HBS1L: variants seen among roughly 807,000 people sequenced by gnomAD.
HBS1L encodes the protein HBS1-like protein.
Under a neutral mutation model 88.9 loss-of-function variants are expected in HBS1L, and 55 were observed. The ratio of observed to expected loss-of-function variants is 0.62; its 90% CI spans 0.50 to 0.77. The LOEUF is 0.77. HBS1L is among the 30% of genes least tolerant of loss of function. The pLI is 0.00. For synonymous variants in HBS1L, 267 were observed against 288.5 expected (o/e 0.93, Z 0.76); for missense variants, 741 against 829.3 (o/e 0.89, Z 1.31).
intron 1 of HBS1L, among the ~76,000 whole-genome samples, chr6:135,052,743 A>AGCTACTTTGTGC (rs1777127713): frequency 6.6e-6 from 1 of 152,218 alleles, no homozygotes; most frequent in Non-Finnish European, 1.5e-5. Context: ...AATATTTACC[A>AGCTACTTTGTGC]CATGTAAAGA....
At chr6:135,020,584 T>C (rs1776043983) in intron 4 of HBS1L, among the ~76,000 whole-genome samples, 1 of 152,028 alleles carries the variant, frequency 6.6e-6, no homozygotes. Flanking sequence ...TGGAGTATAA[T>C]TATCCTTTAT....
chr6:135,037,657 G>C, intron 4 of HBS1L: 1 of 1,549,828 alleles, frequency 6.5e-7, no homozygotes, highest in Non-Finnish European at 8.7e-7. Flanking sequence ...GCATTCAGAT[G>C]CATGAGGTCT....
At chr6:135,036,120 A>G (rs1418253259) in intron 4 of HBS1L, 3 of 662,288 alleles carry the variant, frequency 4.5e-6, no homozygotes, top group Non-Finnish European at 5.6e-6. Flanking sequence ...ATATTTTAAA[A>G]TATAACATCT....
Position 134,996,642 on chromosome 6 carries a change from C to T in HBS1L, c.965+135G>A, listed in dbSNP as rs560167542. 27 of 580,560 alleles carry T rather than the reference C, an allele frequency of 4.7e-5. No individual in the cohort carries two copies. The African/African-American group carries it at 5.3e-4, about 11-fold the overall frequency. The allele number at this position is 580,560 out of a possible 1,614,324, so 36.0% of individuals were successfully genotyped here. A position where few individuals can be genotyped will look rare whatever the true frequency, so the allele number is the denominator to read the frequency against. On this transcript the variant is annotated intron_variant, in intron 7 of 17. Transcript: ENST00000367837. ...TACATCAAAAAAGTCAAAATAGTTC[C>T]CTGATATCTAAAAGCTATTTTCTAA... is the stretch of plus-strand genomic sequence containing the variant.
intron 1 of HBS1L, among the ~76,000 whole-genome samples, chr6:135,052,170 A>C (rs1169186837): frequency 1.3e-5 from 2 of 152,256 alleles, no homozygotes; most frequent in African/African-American, 4.8e-5. Flanking sequence ...AGCAAAGAAA[A>C]ATTAGATAAA....
chr6:135,017,642 A>G (rs1485888534), intron 4 of HBS1L, among the ~76,000 whole-genome samples: 1 of 152,044 alleles, frequency 6.6e-6, no homozygotes, highest in Admixed American at 6.5e-5. Context: ...GGAGGAAAAT[A>G]TAGGATACAG....
At chr6:134,969,435 C>G in intron 15 of HBS1L, 97 bp from the exon 16 acceptor site, 1 of 752,296 alleles carries the variant, frequency 1.3e-6, no homozygotes, top group Non-Finnish European at 2.3e-6. Context: ...TTCAGTGCTA[C>G]TGCTTGGAGT....
intron 4 of HBS1L, among the ~76,000 whole-genome samples, chr6:135,022,399 C>A (rs560540680): frequency 6.6e-6 from 1 of 151,458 alleles, no homozygotes; most frequent in South Asian, 2.1e-4. Flanking sequence ...ATGGTATCAG[C>A]TGTTCATGAA....
Position 134,962,156 on chromosome 6 carries a change from G to A in HBS1L, c.*3123C>T, listed in dbSNP as rs997529037. ...AGAAGATGATTCAGTAGTTTGTATT[G>A]GGCCTACTTGTCTTGATTTTTTGAA... is the stretch of plus-strand genomic sequence containing the variant. On this transcript the variant is annotated 3_prime_UTR_variant, in exon 18 of 18. Coordinates refer to ENST00000367837, the MANE Select transcript of HBS1L (RefSeq NM_006620.4). 6.6e-6 allele frequency: 1 copy of A among 151,974 alleles called. No homozygotes were observed. Among genetic ancestry groups the A allele is most frequent in the Non-Finnish European group, 1.5e-5 (1 of 67,992 alleles). The allele number at this position is 151,974 out of a possible 1,614,324, so 9.4% of individuals were successfully genotyped here. A position where few individuals can be genotyped will look rare whatever the true frequency, so the allele number is the denominator to read the frequency against.
chr6:134,994,679 A>G (rs899896062), intron 7 of HBS1L, among the ~76,000 whole-genome samples: 7 of 152,134 alleles, frequency 4.6e-5, no homozygotes, highest in African/African-American at 1.7e-4. Context: ...GTGACCTGTC[A>G]CATGAGATCA....
intron 13 of HBS1L, 166 bp downstream of exon 13, chr6:134,982,292 G>A (rs79054660): frequency 7.7e-5 from 44 of 571,844 alleles, no homozygotes; most frequent in East Asian, 4.7e-4. Flanking sequence ...GAAAAAAATC[G>A]TTTAATGTTT....
chr6:134,987,847 G>A, intron 8 of HBS1L, 56 bp from the exon 9 acceptor site: 1 of 1,418,090 alleles, frequency 7.1e-7, no homozygotes, highest in South Asian at 1.6e-5. Flanking sequence ...TTAATTCAAA[G>A]GACAGATTAT....
At chr6:134,968,695 C>A (rs1774389508) in intron 16 of HBS1L, among the ~76,000 whole-genome samples, 1 of 151,206 alleles carries the variant, frequency 6.6e-6, no homozygotes, top group Non-Finnish European at 1.5e-5. Flanking sequence ...TAATGCTAAT[C>A]AGCAGGCCCA....
At chr6:135,039,297 G>A (rs1776653610) in intron 4 of HBS1L, among the ~76,000 whole-genome samples, 1 of 152,030 alleles carries the variant, frequency 6.6e-6, no homozygotes, top group South Asian at 2.1e-4. Flanking sequence ...CAGCCTGGGT[G>A]ACAGAGTGAG....
At chr6:134,965,311 A>C (rs1774281166) in intron 17 of HBS1L, 21 bp from the exon 18 acceptor site, 2 of 1,491,648 alleles carry the variant, frequency 1.3e-6, no homozygotes, top group Non-Finnish European at 9.2e-7. Context: ...AAAAAAAAAA[A>C]AGACATTTGC....
intron 4 of HBS1L, among the ~76,000 whole-genome samples, chr6:135,030,993 C>T (rs1265705944): frequency 6.6e-6 from 1 of 152,066 alleles, no homozygotes; most frequent in Non-Finnish European, 1.5e-5. Context: ...AACAAATGTC[C>T]TTTTCATGGT....
rs113342228 is a variant in HBS1L at position 134,982,836 on chromosome 6, T to C, written c.1493-274A>G. On this transcript the variant is annotated intron_variant, in intron 12 of 17. Transcript: ENST00000367837. ...AATAAATACGTAGTACCAGATATTA[T>C]ACTAAACTCTGGGGATAAAAAAAAA... The C allele has an allele frequency of 4.6e-3, 1,007 of 217,592 alleles. 10 individuals are homozygous for C. Among genetic ancestry groups the C allele is most frequent in the African/African-American group, 0.018 (772 of 43,598 alleles). 13.5% of individuals were successfully genotyped at this position (217,592 alleles called of 1,614,324 possible).
chr6:135,006,892 CCT>C (rs1775629541), intron 4 of HBS1L, among the ~76,000 whole-genome samples: 1 of 151,956 alleles, frequency 6.6e-6, no homozygotes, highest in Non-Finnish European at 1.5e-5. Context: ...GGGATTCTGG[CCT>C]CTGTCAAAAG....
At chr6:135,030,002 G>C (rs918368127) in intron 4 of HBS1L, among the ~76,000 whole-genome samples, 3 of 152,172 alleles carry the variant, frequency 2.0e-5, no homozygotes, top group African/African-American at 7.2e-5. Context: ...TAAGGAACAA[G>C]ATTGTGGGAC....
Sources: allele counts gnomAD v4.1 joint callset (sites outside exome capture counted in the v4.1 genomes callset), GRCh38; gene constraint gnomAD v4.1.1; transcripts MANE v1.5; gene names NCBI Gene and HGNC (gene_info 2026-07-23, HGNC 2026-07-21).